DENND10: variants seen among roughly 807,000 people sequenced by gnomAD.
DENND10 encodes the protein DENN domain-containing protein 10.
In DENND10, 24 loss-of-function variants were observed where a neutral mutation model predicts 43.6. The ratio of observed to expected loss-of-function variants is 0.55; its 90% CI spans 0.40 to 0.77. The LOEUF (loss-of-function observed/expected upper bound fraction) is 0.77. Ranked by LOEUF, DENND10 falls within the 30% of genes least tolerant of loss-of-function variation. The probability of loss-of-function intolerance (pLI) is 0.00; values close to 1 mark genes in which losing one functional copy is unlikely to be tolerated. For missense variants in DENND10, 303 were observed against 429.9 expected (o/e 0.70, Z 2.61); for synonymous variants, 125 against 157.6 (o/e 0.79, Z 1.55).
At chr10:119,115,888 C>T (rs1335436344) in intron 3 of DENND10, among the ~76,000 whole-genome samples, 1 of 151,638 alleles carries the variant, frequency 6.6e-6, no homozygotes, top group Non-Finnish European at 1.5e-5. Context: ...CTCAGCCTCC[C>T]AAGTAGCTGG....
At chr10:119,124,894 T>C (rs1845756648) in intron 6 of DENND10, among the ~76,000 whole-genome samples, 1 of 152,110 alleles carries the variant, frequency 6.6e-6, no homozygotes, top group African/African-American at 2.4e-5. Flanking sequence ...GACCTGTCTT[T>C]TAAAATTTTT....
chr10:119,104,209 G>C lies in DENND10; in HGVS notation c.55+12G>C. 4.6e-6 allele frequency: 7 copies of C among 1,512,188 alleles called. No individual in the cohort carries two copies. The highest frequency in any genetic ancestry group is 6.2e-6 in the Non-Finnish European group (7 of 1,131,120). The allele number at this position is 1,512,188 out of a possible 1,614,324, so 93.7% of individuals were successfully genotyped here. A position where few individuals can be genotyped will look rare whatever the true frequency, so the allele number is the denominator to read the frequency against. The stretch of plus-strand genomic sequence containing the variant: ...AGTCGGGCTGATCGGTGAGGACGTA[G>C]GCGCCCTGCCTGGAAGCCCGCACCC... On this transcript the variant is annotated intron_variant, in intron 1 of 8. Transcript: ENST00000361432.
rs1462938076 is a variant in DENND10, at chr10:119,136,819, TC to T, written c.*174del. ...AAACAATGAAACACATGAACACACT[TC>T]CGATTTTCTCCTCGCTGATTAGCTT... On this transcript the variant is annotated 3_prime_UTR_variant, in exon 9 of 9. Coordinates refer to ENST00000361432, the MANE Select transcript of DENND10 (RefSeq NM_207009.4). The T allele has an allele frequency of 4.3e-6, 2 of 461,428 alleles. No homozygotes were observed. The highest frequency in any genetic ancestry group is 7.9e-6 in the Non-Finnish European group (2 of 252,414). The allele number at this position is 461,428 out of a possible 1,614,324, so 28.6% of individuals were successfully genotyped here.
intron 3 of DENND10, among the ~76,000 whole-genome samples, chr10:119,112,953 G>A (rs1341931940): frequency 6.6e-6 from 1 of 151,690 alleles, no homozygotes; most frequent in Non-Finnish European, 1.5e-5. Context: ...GGGTTCAAGC[G>A]ATTCTCTTGC....
At chr10:119,129,427 C>A in intron 6 of DENND10, 88 bp from the exon 7 acceptor site, 1 of 775,982 alleles carries the variant, frequency 1.3e-6, no homozygotes. Flanking sequence ...TGAAAGAGAG[C>A]AGTCGATGAG....
rs1846419422 is a variant in DENND10 at position 119,137,661 on chromosome 10, C to G, written c.*1014C>G. The G allele has an allele frequency of 6.1e-6, 1 of 164,714 alleles. No homozygotes were observed. Among genetic ancestry groups the G allele is most frequent in the South Asian group, 2.1e-4 (1 of 4,692 alleles). The allele number at this position is 164,714 out of a possible 1,614,324, so 10.2% of individuals were successfully genotyped here. ...TGACTGTAAAGGATTATTTTTCACTCAGTACTGATGTCCTTGGAAATCTTA... is the reference window on the plus strand; with the variant it reads ...TGACTGTAAAGGATTATTTTTCACTGAGTACTGATGTCCTTGGAAATCTTA... On this transcript the variant is annotated 3_prime_UTR_variant, in exon 9 of 9. Coordinates refer to ENST00000361432, the MANE Select transcript of DENND10 (RefSeq NM_207009.4).
In DENND10 at chr10:119,104,179, C is replaced by A; in HGVS notation, c.37C>A (p.Leu13Ile). 1 of 1,524,380 alleles carries A rather than the reference C, an allele frequency of 6.6e-7. No homozygotes were observed. The highest frequency in any genetic ancestry group is 2.7e-5 in the East Asian group (1 of 37,558). The allele number at this position is 1,524,380 out of a possible 1,614,324, so 94.4% of individuals were successfully genotyped here. A position where few individuals can be genotyped will look rare whatever the true frequency, so the allele number is the denominator to read the frequency against. Residue 13 changes from leucine (L) to isoleucine (I), a missense_variant, in exon 1 of 9, where the codon CTT becomes ATT. By Grantham distance (5) the Leu-to-Ile change is conservative. Coordinates refer to ENST00000361432, the MANE Select transcript of DENND10 (RefSeq NM_207009.4). ...AAEVADTQLM[L>I]GVGLIEKDTN... ...CGAGGTGGCGGACACTCAGCTGATG[C>A]TTGGAGTCGGGCTGATCGGTGAGGA...
In DENND10 at chr10:119,105,669, T is replaced by A. The variant is rs576814691; in HGVS notation, c.55+1472T>A. The A allele has an allele frequency of 2.5e-5, 7 of 277,530 alleles. No individual in the cohort carries two copies. The South Asian group carries it at 6.2e-4, about 25-fold the overall frequency. 17.2% of individuals were successfully genotyped at this position (277,530 alleles called of 1,614,324 possible). ...TCATATTTTGAACTCAGCAGTTTTT[T>A]AATTATTCACACTAACGTGCATTTA... On this transcript the variant is annotated intron_variant, in intron 1 of 8. Transcript: ENST00000361432.
chr10:119,112,075 G>A (rs775927527), intron 3 of DENND10, 147 bp downstream of exon 3: 4 of 615,084 alleles, frequency 6.5e-6, no homozygotes, highest in Non-Finnish European at 8.6e-6. Context: ...CTGTAAAGAC[G>A]GCCTTTCTCT....
chr10:119,135,791 T>TAAAAA (rs367836571), intron 8 of DENND10, among the ~76,000 whole-genome samples: 1,540 of 63,908 alleles, frequency 0.024, 64 homozygotes, highest in East Asian at 0.12. Context: ...ACTAAAATTG[T>TAAAAA]AAAAAAAAAA....
intron 4 of DENND10, among the ~76,000 whole-genome samples, 164 bp from the exon 5 acceptor site, chr10:119,120,177 G>A (rs1845495227): frequency 6.6e-6 from 1 of 151,994 alleles, no homozygotes. Flanking sequence ...GAGCCCAGGA[G>A]GCAGAGGTTG....
intron 1 of DENND10, among the ~76,000 whole-genome samples, chr10:119,106,415 A>T (rs1184416558): frequency 6.6e-6 from 1 of 152,144 alleles, no homozygotes; most frequent in Admixed American, 6.6e-5. Flanking sequence ...TGCATAGCTC[A>T]CGACAACCTC....
rs745927955 is a variant in DENND10 at position 119,123,560 on chromosome 10, A to G, written c.685A>G (p.Met229Val). The G allele has an allele frequency of 3.7e-6, 6 of 1,601,092 alleles. No homozygotes were observed. The highest frequency in any genetic ancestry group is 5.1e-6 in the Non-Finnish European group (6 of 1,169,756). ...CGCCGATGAGCTGGAAGCCCTGCAG[A>G]TGTGCACAGGTAGACAAGAGGATCC... ...LNADELEALQ[M>V]CTGYVAGFVD... is the part of the protein sequence containing the mutation. The change falls in exon 6 of 9, where the codon ATG becomes GTG. Residue 229 changes from methionine to valine, a missense_variant. Coordinates refer to ENST00000361432, the MANE Select transcript of DENND10 (RefSeq NM_207009.4).
chr10:119,129,456 T>A, intron 6 of DENND10, 59 bp from the exon 7 acceptor site: 1 of 1,124,694 alleles, frequency 8.9e-7, no homozygotes, highest in South Asian at 1.3e-5. Context: ...CCCAATTCTT[T>A]TGATGGGTTC....
intron 8 of DENND10, chr10:119,135,054 A>G (rs1846254300): frequency 6.6e-6 from 1 of 151,662 alleles, no homozygotes; most frequent in Non-Finnish European, 1.5e-5. Context: ...AATCCCAGCG[A>G]CTTGGGAAGC....
At chr10:119,113,661 G>T (rs1480157148) in intron 3 of DENND10, among the ~76,000 whole-genome samples, 3 of 144,564 alleles carry the variant, frequency 2.1e-5, no homozygotes, top group African/African-American at 5.1e-5. Context: ...ATTTTTGTGC[G>T]TGAATGTATA....
intron 2 of DENND10, among the ~76,000 whole-genome samples, chr10:119,109,416 C>T (rs2133459235): frequency 6.6e-6 from 1 of 152,132 alleles, no homozygotes; most frequent in South Asian, 2.1e-4. Context: ...TTTATCTGAG[C>T]CTCTGGCATG....
intron 3 of DENND10, 33 bp downstream of exon 3, chr10:119,111,961 A>G: frequency 6.7e-7 from 1 of 1,489,212 alleles, no homozygotes; most frequent in Non-Finnish European, 9.4e-7. Flanking sequence ...ATGCTAATAT[A>G]CAAAATGAAG....
rs56064617 is a variant in DENND10 at position 119,109,216 on chromosome 10, CA to C, written c.252+1068del. On this transcript the variant is annotated intron_variant, in intron 2 of 8. Transcript: ENST00000361432. ...AGGCAACAAGAGCGAAACTCCGTCT[CA>C]AAAAAAAAAAAAAAAGAATTTAGAA... Among the ~76,000 whole-genome samples the C allele has an allele frequency of 2.7e-3, 354 of 129,146 alleles. 1 individual carries two copies. The highest frequency in any genetic ancestry group is 9.1e-3 in the African/African-American group (309 of 33,968). 84.7% of individuals were successfully genotyped at this position (129,146 alleles called of 152,430 possible). A position where few individuals can be genotyped will look rare whatever the true frequency, so the allele number is the denominator to read the frequency against.
Sources: gnomAD v4.1 joint callset for allele counts (sites outside exome capture counted in the v4.1 genomes callset) on GRCh38, gnomAD v4.1.1 for gene constraint, MANE v1.5 for transcripts, NCBI Gene and HGNC (gene_info 2026-07-23, HGNC 2026-07-21) for gene names.